Variants in NTN1 observed in about 807,000 individuals in gnomAD.
NTN1 encodes the protein netrin-1.
Under a neutral mutation model 54.2 loss-of-function variants are expected in NTN1, and 11 were observed. The ratio of observed to expected loss-of-function variants is 0.20; its 90% confidence interval spans 0.13 to 0.34. The LOEUF is 0.34. Ranked by LOEUF, NTN1 falls within the 10% of genes least tolerant of loss-of-function variation. The pLI is 1.00. For synonymous variants in NTN1, 371 were observed against 382.0 expected (o/e 0.97, Z 0.33); for missense variants, 740 against 893.1 (o/e 0.83, Z 2.18).
At chr17:9,138,025 C>T (rs973704191) in intron 2 of NTN1, among the ~76,000 whole-genome samples, 2 of 152,214 alleles carry the variant, frequency 1.3e-5, no homozygotes, top group Non-Finnish European at 2.9e-5. Context: ...CCACCTCCCT[C>T]CCCAGCCCAG....
At chr17:9,119,910 G>A (rs905125030) in intron 2 of NTN1, among the ~76,000 whole-genome samples, 1 of 152,044 alleles carries the variant, frequency 6.6e-6, no homozygotes, top group African/African-American at 2.4e-5. Flanking sequence ...CAGGCTTCCT[G>A]GCTATTTGTA....
chr17:9,166,881 G>T (rs1398168574), intron 3 of NTN1, among the ~76,000 whole-genome samples: 1 of 152,202 alleles, frequency 6.6e-6, no homozygotes, highest in Non-Finnish European at 1.5e-5. Flanking sequence ...GGCTGACTCT[G>T]GACCTTGTCC....
At chr17:9,202,716 C>CT (rs1407199648) in intron 5 of NTN1, among the ~76,000 whole-genome samples, 3 of 152,126 alleles carry the variant, frequency 2.0e-5, no homozygotes, top group Admixed American at 1.3e-4. Flanking sequence ...GTATCACCAA[C>CT]TTTTTTGCCT....
chr17:9,092,928 T>G (rs2092117396), intron 2 of NTN1, among the ~76,000 whole-genome samples: 1 of 152,154 alleles, frequency 6.6e-6, no homozygotes, highest in South Asian at 2.1e-4. Context: ...CCGGCTAATT[T>G]TTTGTATTTT....
At chr17:9,114,162 A>ATATATATATATATATATAT (rs1180136945) in intron 2 of NTN1, among the ~76,000 whole-genome samples, 37 of 84,170 alleles carry the variant, frequency 4.4e-4, no homozygotes, top group Admixed American at 3.6e-4. Context: ...AGAAAAAAAA[A>ATATATATATATATATATAT]AAAAATATAT....
intron 2 of NTN1, among the ~76,000 whole-genome samples, chr17:9,103,460 G>A (rs1414857936): frequency 6.6e-6 from 1 of 152,114 alleles, no homozygotes; most frequent in Non-Finnish European, 1.5e-5. Flanking sequence ...TAGTGAGTGA[G>A]TTCTCATGAG....
chr17:9,021,862 C>T (rs774889165), intron 1 of NTN1, among the ~76,000 whole-genome samples: 1 of 152,136 alleles, frequency 6.6e-6, no homozygotes, highest in Non-Finnish European at 1.5e-5. Context: ...TCTTTTGCCC[C>T]CTCCAGAGGT....
At chr17:9,124,914 G>A (rs1302094926) in intron 2 of NTN1, among the ~76,000 whole-genome samples, 1 of 152,194 alleles carries the variant, frequency 6.6e-6, no homozygotes, top group East Asian at 1.9e-4. Context: ...TAGAGTTGAT[G>A]TGAGGATTAA....
In NTN1 at chr17:9,165,646, G is replaced by A. The variant is rs114766560; in HGVS notation, c.1207+2645G>A. Among the ~76,000 whole-genome samples the A allele has an allele frequency of 5.8e-3, 880 of 152,274 alleles. 10 individuals carry two copies. The highest frequency in any genetic ancestry group is 0.02 in the African/African-American group (823 of 41,554). ...CTACTGAAGAAATGTGGCAGGAAAG[G>A]GTGGGACTCTTAGTGCCTGTTGACT... is the stretch of plus-strand genomic sequence containing the variant. On this transcript the variant is annotated intron_variant, in intron 3 of 6. Transcript: ENST00000173229. This position sits in a 1 kb window ranked among gnomAD's most constrained non-coding sequence, Gnocchi z 4.5.
intron 2 of NTN1, among the ~76,000 whole-genome samples, chr17:9,077,826 C>T (rs576096379): frequency 1.2e-4 from 19 of 152,110 alleles, no homozygotes; most frequent in African/African-American, 2.4e-4. Context: ...TCCCTCTAAG[C>T]GGATGAGGCA....
In NTN1 at chr17:9,237,905, C is replaced by T. The variant is rs568466499; in HGVS notation, c.1487-1735C>T. Among the ~76,000 whole-genome samples, 7 of 152,308 alleles carry T rather than the reference C, an allele frequency of 4.6e-5. No individual in the cohort carries two copies. In the South Asian group the frequency reaches 6.2e-4, roughly 14 times the overall value. On this transcript the variant is annotated intron_variant, in intron 6 of 6. Coordinates refer to ENST00000173229, the MANE Select transcript of NTN1 (RefSeq NM_004822.3). ...TCCCTTGGTGACAAAAACATGGAAA[C>T]GGTTGCCATGGCAGCCATTCTTTGG...
rs118030776 is a variant in NTN1, at chr17:9,059,076, G to A, written c.1018+35685G>A. Among the ~76,000 whole-genome samples, 47 of 152,308 alleles carry A rather than the reference G, an allele frequency of 3.1e-4. No individual in the cohort carries two copies. In the East Asian group the frequency reaches 7.7e-3, roughly 25 times the overall value. ...TCATACACGTAAAGTGCATAGAATAGCACCTGGTACACAGTAAGCCCTCTA... is the reference window on the plus strand; with the variant it reads ...TCATACACGTAAAGTGCATAGAATAACACCTGGTACACAGTAAGCCCTCTA... On this transcript the variant is annotated intron_variant, in intron 2 of 6. Coordinates refer to ENST00000173229, the MANE Select transcript of NTN1 (RefSeq NM_004822.3).
chr17:9,005,934 T>C, the NTN1 span, among the ~76,000 whole-genome samples: 2 of 152,116 alleles, frequency 1.3e-5, no homozygotes, highest in African/African-American at 4.8e-5. Context: ...ACACAGACAG[T>C]ACAAATGTGC....
At chr17:9,015,916 C>CA in the NTN1 span, among the ~76,000 whole-genome samples, 9 of 151,556 alleles carry the variant, frequency 5.9e-5, no homozygotes, top group Non-Finnish European at 7.4e-5. Context: ...ACTAAAAATA[C>CA]AAAAAAAATT....
intron 2 of NTN1, among the ~76,000 whole-genome samples, chr17:9,023,716 G>A (rs532159846): frequency 3.3e-5 from 5 of 152,218 alleles, no homozygotes; most frequent in African/African-American, 4.8e-5. Context: ...CTTCCCCCTC[G>A]TTGGGTTGGA....
chr17:9,228,865 A>T (rs1485315348), intron 6 of NTN1, among the ~76,000 whole-genome samples: 150 of 138,024 alleles, frequency 1.1e-3, no homozygotes, highest in African/African-American at 3.8e-3. Flanking sequence ...TGTGTATGAG[A>T]GTGTGTCTGT....
chr17:9,106,858 CCATCAT>C (rs56280087), intron 2 of NTN1, among the ~76,000 whole-genome samples: 2 of 151,460 alleles, frequency 1.3e-5, no homozygotes, highest in African/African-American at 4.8e-5. Context: ...TTCGCCGTCA[CCATCAT>C]CATCATCATC....
intron 2 of NTN1, among the ~76,000 whole-genome samples, chr17:9,116,018 C>T (rs981079110): frequency 2.6e-5 from 4 of 152,250 alleles, no homozygotes; most frequent in African/African-American, 7.2e-5. Flanking sequence ...ATTTGTTTCT[C>T]CGGGGGCAGA....
At chr17:9,213,490 C>T (rs373662380) in intron 5 of NTN1, among the ~76,000 whole-genome samples, 20 of 152,262 alleles carry the variant, frequency 1.3e-4, no homozygotes, top group South Asian at 6.2e-4. Flanking sequence ...GGGGTCCCAG[C>T]GGCTGGGTGG....
Sources: allele counts gnomAD v4.1 joint callset (sites outside exome capture counted in the v4.1 genomes callset), GRCh38; gene constraint gnomAD v4.1.1; non-coding constraint Gnocchi (gnomAD v3.1); transcripts MANE v1.5; gene names NCBI Gene and HGNC (gene_info 2026-07-23, HGNC 2026-07-21).